RNF111: variants seen among roughly 807,000 people sequenced by gnomAD.
RNF111 encodes the protein ring finger protein 111, also known as E3 ubiquitin-protein ligase Arkadia.
Under a neutral mutation model 95.1 loss-of-function variants are expected in RNF111, and 17 were observed. That is an observed-to-expected ratio of 0.18 (90% CI 0.12 to 0.27). The LOEUF (loss-of-function observed/expected upper bound fraction) is 0.27. Among genes scored for constraint, RNF111 ranks in the 10% least tolerant of loss-of-function variants. RNF111 has a pLI of 1.00. For synonymous variants in RNF111, 440 were observed against 414.8 expected (o/e 1.06, Z -0.74); for missense variants, 1,189 against 1,210.4 (o/e 0.98, Z 0.26).
At chr15:59,093,317 T>C (rs966342060) in intron 13 of RNF111, 1 of 413,936 alleles carries the variant, frequency 2.4e-6, no homozygotes. Flanking sequence ...ATTAGTCCTA[T>C]GCAGTCTGTT....
At chr15:59,048,280 G>C (rs551851855) in intron 2 of RNF111, among the ~76,000 whole-genome samples, 2 of 152,274 alleles carry the variant, frequency 1.3e-5, no homozygotes, top group East Asian at 3.9e-4. Context: ...AATAAAAAAA[G>C]TATGAATATT....
intron 2 of RNF111, among the ~76,000 whole-genome samples, chr15:59,038,800 A>G (rs1297834977): frequency 2.0e-5 from 3 of 152,142 alleles, no homozygotes; most frequent in African/African-American, 7.2e-5. Context: ...TACTTTGTTG[A>G]TGATACTGTG....
chr15:59,085,991 G>T (rs1378833404), intron 10 of RNF111, among the ~76,000 whole-genome samples: 1 of 152,018 alleles, frequency 6.6e-6, no homozygotes, highest in Non-Finnish European at 1.5e-5. Flanking sequence ...CTTAATGTAC[G>T]ACATGACAAA....
At chr15:59,056,170 A>G (rs1311608521) in intron 4 of RNF111, among the ~76,000 whole-genome samples, 3 of 152,218 alleles carry the variant, frequency 2.0e-5, no homozygotes. Context: ...TAGAAGCAGT[A>G]CTTTTTAAAT....
rs1052333158 is a variant in RNF111 at position 59,058,514 on chromosome 15, C to G, written c.1330C>G (p.Leu444Val). 1.2e-6 allele frequency: 2 copies of G among 1,613,904 alleles called. No individual in the cohort carries two copies. The highest frequency in any genetic ancestry group is 1.7e-6 in the Non-Finnish European group (2 of 1,179,936). The change falls in exon 5 of 14, where the codon CTT (leucine) becomes GTT (valine). Residue 444 changes from leucine to valine, a missense_variant. By Grantham distance (32) the Leu-to-Val change is conservative. This residue lies in a region of RNF111 where 1,024 missense variants were observed against 925.9 expected (regional missense o/e 1.11). Coordinates refer to ENST00000348370, the MANE Select transcript of RNF111 (RefSeq NM_017610.8). ...CACAGTGTCAGAGACTTCAGCTACT[C>G]TTACAAGCAATAGTACCACTGGCAC... ...PSTVSETSAT[L>V]TSNSTTGTSI...
chr15:59,093,528 C>T, intron 13 of RNF111: 1 of 343,056 alleles, frequency 2.9e-6, no homozygotes, highest in South Asian at 2.2e-5. Context: ...CTTTTATAAA[C>T]TGGTTTTGTC....
rs1472309574 is a variant in RNF111 at position 59,055,660 on chromosome 15, CTTAATA to C, written c.1008-19_1008-14del. 6.5e-7 allele frequency: 1 copy of C among 1,542,100 alleles called. No homozygotes were observed. Among genetic ancestry groups the C allele is most frequent in the Non-Finnish European group, 8.8e-7 (1 of 1,140,466 alleles). On this transcript the variant is annotated splice_polypyrimidine_tract_variant and intron_variant, in intron 3 of 13. Coordinates refer to ENST00000348370, the MANE Select transcript of RNF111 (RefSeq NM_017610.8). Reference sequence around the variant, plus strand: ...AAAATTCTTTATTTATATTTACTAACTTAATATTGATGTCATTTAAGGTCTCGTTCA... The same window carrying C: ...AAAATTCTTTATTTATATTTACTAACTTGATGTCATTTAAGGTCTCGTTCA...
At chr15:59,009,679 G>C (rs2039701309) in intron 1 of RNF111, among the ~76,000 whole-genome samples, 1 of 152,000 alleles carries the variant, frequency 6.6e-6, no homozygotes. Context: ...CAGTGGCCGG[G>C]CACAGTGGCT....
chr15:59,033,018 T>C (rs1309876873), intron 2 of RNF111, among the ~76,000 whole-genome samples: 10 of 152,214 alleles, frequency 6.6e-5, no homozygotes, highest in Non-Finnish European at 1.5e-4. Flanking sequence ...CTTTTACAGT[T>C]GTAATTTAAA....
At chr15:59,094,663 T>C in intron 13 of RNF111, 120 bp from the exon 14 acceptor site, 1 of 627,388 alleles carries the variant, frequency 1.6e-6, no homozygotes, top group Non-Finnish European at 2.8e-6. Context: ...GTGTTTTTTA[T>C]AGAAGAGGAA....
intron 6 of RNF111, among the ~76,000 whole-genome samples, chr15:59,067,524 A>C (rs1313413735): frequency 6.6e-6 from 1 of 151,846 alleles, no homozygotes; most frequent in Non-Finnish European, 1.5e-5. Context: ...ACATTCTTAC[A>C]CTCGAAAATG....
At chr15:58,995,132 A>G (rs141040018) in intron 1 of RNF111, among the ~76,000 whole-genome samples, 16 of 152,232 alleles carry the variant, frequency 1.1e-4, no homozygotes, top group Non-Finnish European at 8.8e-5. Flanking sequence ...TCTGCTCCTC[A>G]TCAGATCATC....
At chr15:59,055,359 GGTGA>G (rs2042160553) in intron 3 of RNF111, among the ~76,000 whole-genome samples, 2 of 152,190 alleles carry the variant, frequency 1.3e-5, no homozygotes, top group African/African-American at 4.8e-5. Context: ...CTTTACCTAT[GGTGA>G]GTAATTTTAG....
chr15:59,066,682 T>G, intron 5 of RNF111, 82 bp from the exon 6 acceptor site: 2 of 1,054,784 alleles, frequency 1.9e-6, no homozygotes, highest in Non-Finnish European at 2.8e-6. Context: ...TTTAAACATT[T>G]ATTATTTATA....
At chr15:59,052,264 A>G (rs936662763) in intron 2 of RNF111, 41 bp from the exon 3 acceptor site, 15 of 1,495,460 alleles carry the variant, frequency 1.0e-5, no homozygotes, top group Non-Finnish European at 1.3e-5. Context: ...CGATTAGCTG[A>G]CAGGAAGATG....
intron 8 of RNF111, among the ~76,000 whole-genome samples, chr15:59,083,526 C>T (rs548617777): frequency 6.7e-6 from 1 of 148,582 alleles, no homozygotes; most frequent in African/African-American, 2.6e-5. Flanking sequence ...CAGAGCTAGA[C>T]TTCCTCTCCA....
chr15:59,093,412 C>T, intron 13 of RNF111: 1 of 428,920 alleles, frequency 2.3e-6, no homozygotes, highest in Non-Finnish European at 4.5e-6. Flanking sequence ...GGGCAGCAGT[C>T]TCAGCTCACT....
chr15:59,053,879 TAA>T (rs72098856), intron 3 of RNF111, among the ~76,000 whole-genome samples: 66,911 of 151,668 alleles, frequency 0.44, 16,092 homozygotes, highest in African/African-American at 0.64. Flanking sequence ...TTATTGTTAT[TAA>T]GAGATATTAA....
intron 1 of RNF111, among the ~76,000 whole-genome samples, chr15:58,997,077 C>T (rs2039108120): frequency 6.6e-6 from 1 of 151,758 alleles, no homozygotes; most frequent in Non-Finnish European, 1.5e-5. Flanking sequence ...GTTTAAGTGT[C>T]TTTTTTTAAG....
Sources: gnomAD v4.1 joint callset for allele counts (sites outside exome capture counted in the v4.1 genomes callset) on GRCh38, gnomAD v4.1.1 for gene constraint, gnomAD v4.1.1 regional missense constraint, MANE v1.5 for transcripts, NCBI Gene and HGNC (gene_info 2026-07-23, HGNC 2026-07-21) for gene names.